KCNJ16: variants seen among roughly 807,000 people sequenced by gnomAD.
The protein encoded by KCNJ16 is inward rectifier potassium channel 16.
Under a neutral mutation model 18.5 loss-of-function variants are expected in KCNJ16, and 15 were observed. The observed-to-expected ratio is 0.81, with a 90% CI of 0.54 to 1.25. The LOEUF (loss-of-function observed/expected upper bound fraction) is 1.25, where lower values mean the gene tolerates loss of function less well. Among genes scored for constraint, KCNJ16 ranks in the 50% most tolerant of loss-of-function variants. The pLI, the probability that KCNJ16 is intolerant of heterozygous loss-of-function variation, is 0.00. For synonymous variants in KCNJ16, 174 were observed against 186.5 expected (o/e 0.93, Z 0.55); for missense variants, 523 against 525.7 (o/e 0.99, Z 0.05).
intron 2 of KCNJ16, among the ~76,000 whole-genome samples, chr17:70,129,656 T>C (rs886583031): frequency 9.9e-5 from 15 of 152,232 alleles, no homozygotes; most frequent in Admixed American, 7.2e-4. Context: ...ATCACAATAA[T>C]GAACCACATC....
intron 2 of KCNJ16, among the ~76,000 whole-genome samples, chr17:70,113,047 T>G (rs1045924155): frequency 1.3e-5 from 2 of 152,106 alleles, no homozygotes; most frequent in Admixed American, 6.6e-5. Context: ...TAGCTTGATT[T>G]CAAGGGAACA....
intron 2 of KCNJ16, among the ~76,000 whole-genome samples, chr17:70,125,728 A>G (rs2144206404): frequency 6.6e-6 from 1 of 152,332 alleles, no homozygotes; most frequent in Non-Finnish European, 1.5e-5. Flanking sequence ...CAAGAGATCG[A>G]GACCATCCTG....
intron 2 of KCNJ16, among the ~76,000 whole-genome samples, chr17:70,126,794 T>G (rs2073870689): frequency 6.6e-6 from 1 of 152,224 alleles, no homozygotes; most frequent in Admixed American, 6.5e-5. Flanking sequence ...AAATTATAAT[T>G]TATATTGTTT....
chr17:70,096,774 A>G (rs1038634283), intron 1 of KCNJ16: 1 of 388,226 alleles, frequency 2.6e-6, no homozygotes, highest in Non-Finnish European at 4.5e-6. Flanking sequence ...GCGTGAATGG[A>G]TATTAGAGTT....
At chr17:70,098,421 T>C (rs2072477356) in intron 1 of KCNJ16, among the ~76,000 whole-genome samples, 1 of 152,144 alleles carries the variant, frequency 6.6e-6, no homozygotes, top group Non-Finnish European at 1.5e-5. Flanking sequence ...TAATTTATCA[T>C]AAGGACTTAA....
chr17:70,090,032 A>G (rs540172788), intron 1 of KCNJ16, among the ~76,000 whole-genome samples: 96 of 152,298 alleles, frequency 6.3e-4, no homozygotes, highest in African/African-American at 2.3e-3. Context: ...CTGTTAAATC[A>G]TTTGCCCAAG....
In KCNJ16 at chr17:70,132,450, C is replaced by CT; in HGVS notation, c.368dup (p.Leu123PhefsTer19). ...ACAACGTCCATTCTTTCACAGGGGCCTTTTTGTTCTCCCTAGAGACCCAAA... is the reference window on the plus strand; with the variant it reads ...ACAACGTCCATTCTTTCACAGGGGCCTTTTTTGTTCTCCCTAGAGACCCAAA... On this transcript the variant is annotated frameshift_variant, in exon 4 of 4. Transcript: ENST00000392671. LOFTEE classifies it high-confidence loss of function. 6.2e-7 allele frequency: 1 copy of CT among 1,614,154 alleles called. No individual in the cohort carries two copies. Among genetic ancestry groups the CT allele is most frequent in the Non-Finnish European group, 8.5e-7 (1 of 1,180,024 alleles).
chr17:70,133,538 G>A lies in KCNJ16; in HGVS notation c.*194G>A, dbSNP rs183488890. On this transcript the variant is annotated 3_prime_UTR_variant, in exon 4 of 4. Coordinates refer to ENST00000392671, the MANE Select transcript of KCNJ16 (RefSeq NM_170741.4). ...TCAGTTATTAAAATTTTTCTTGTTC[G>A]CCAATTTTGTATTAAGAATGCTATT... is the stretch of plus-strand genomic sequence containing the variant. 3.7e-5 allele frequency: 19 copies of A among 519,420 alleles called. No homozygotes were observed. The highest frequency in any genetic ancestry group is 9.1e-5 in the East Asian group (3 of 32,934). The allele number at this position is 519,420 out of a possible 1,614,324, so 32.2% of individuals were successfully genotyped here.
intron 1 of KCNJ16, among the ~76,000 whole-genome samples, chr17:70,080,006 C>T (rs1013042271): frequency 6.6e-6 from 1 of 152,182 alleles, no homozygotes; most frequent in African/African-American, 2.4e-5. Context: ...TCTGGCAGTA[C>T]AGCATTGTTA....
At chr17:70,107,577 G>A (rs933116157) in intron 2 of KCNJ16, among the ~76,000 whole-genome samples, 5 of 151,962 alleles carry the variant, frequency 3.3e-5, no homozygotes, top group Admixed American at 2.6e-4. Context: ...AATGAAAACA[G>A]GTCAGCTAAA....
intron 1 of KCNJ16, among the ~76,000 whole-genome samples, chr17:70,088,683 A>G (rs1182110621): frequency 6.6e-6 from 1 of 152,164 alleles, no homozygotes; most frequent in Non-Finnish European, 1.5e-5. Flanking sequence ...CTTTGGCTAT[A>G]TTCAAAATGG....
At position 70,133,006 on chromosome 17, in the gene KCNJ16, G is replaced by T. The variant is rs138191197; in HGVS notation, c.919G>T (p.Gly307Cys). ...CTATGTTCCCCGAGAAATTCTCTGG[G>T]GCCATAGGTTTAATGATGTCTTGGA... is the stretch of plus-strand genomic sequence containing the variant. ...SSYVPREILW[G>C]HRFNDVLEVK... The change falls in exon 4 of 4, where the codon GGC (glycine) becomes TGC (cysteine). Residue 307 changes from glycine to cysteine, a missense_variant. Physicochemically the swap from Gly to Cys is radical, Grantham distance 159. Transcript: ENST00000392671. 7 of 1,613,936 alleles carry T rather than the reference G, an allele frequency of 4.3e-6. No homozygotes were observed. Among genetic ancestry groups the T allele is most frequent in the Non-Finnish European group, 5.9e-6 (7 of 1,179,996 alleles).
At chr17:70,078,491 C>A (rs1182361482) in intron 1 of KCNJ16, among the ~76,000 whole-genome samples, 1 of 152,258 alleles carries the variant, frequency 6.6e-6, no homozygotes, top group South Asian at 2.1e-4. Context: ...AAGATTTGCT[C>A]TCCTTTTAAC....
intron 1 of KCNJ16, among the ~76,000 whole-genome samples, chr17:70,080,677 G>A (rs1157430860): frequency 6.6e-6 from 1 of 152,094 alleles, no homozygotes; most frequent in East Asian, 1.9e-4. Context: ...TGATTAGTTA[G>A]TTGGCTCTGC....
intron 2 of KCNJ16, among the ~76,000 whole-genome samples, chr17:70,128,474 C>T (rs556072633): frequency 6.6e-6 from 1 of 152,260 alleles, no homozygotes; most frequent in South Asian, 2.1e-4. Context: ...CTGCTTTCCT[C>T]AGTGTCTGTG....
intron 1 of KCNJ16, among the ~76,000 whole-genome samples, chr17:70,090,722 C>A (rs1179175924): frequency 4.1e-5 from 6 of 147,472 alleles, no homozygotes; most frequent in African/African-American, 1.6e-4. Context: ...TACCGCTAAC[C>A]CACTCACAAT....
At chr17:70,101,249 A>C (rs1196452552) in intron 2 of KCNJ16, 1 of 152,156 alleles carries the variant, frequency 6.6e-6, no homozygotes, top group Admixed American at 6.5e-5. Flanking sequence ...AAATGCCATA[A>C]CCACAGGTCA....
chr17:70,126,606 C>T (rs1424037519), intron 2 of KCNJ16, among the ~76,000 whole-genome samples: 1 of 152,146 alleles, frequency 6.6e-6, no homozygotes, highest in Non-Finnish European at 1.5e-5. Flanking sequence ...CCACAAGATG[C>T]CCAGGAAGTT....
chr17:70,127,436 G>A (rs988659992), intron 2 of KCNJ16, among the ~76,000 whole-genome samples: 6 of 116,644 alleles, frequency 5.1e-5, no homozygotes, highest in East Asian at 2.5e-4. Flanking sequence ...ATAATTCTAC[G>A]GCAAGGGCAA....
Sources: gnomAD v4.1 joint callset for allele counts (sites outside exome capture counted in the v4.1 genomes callset) on GRCh38, gnomAD v4.1.1 for gene constraint, MANE v1.5 for transcripts, NCBI Gene and HGNC (gene_info 2026-07-23, HGNC 2026-07-21) for gene names.